The following PPIP5K2 variants were observed in gnomAD, a reference collection of about 807,000 sequenced individuals.
PPIP5K2 encodes diphosphoinositol pentakisphosphate kinase 2, also known as inositol hexakisphosphate and diphosphoinositol-pentakisphosphate kinase 2.
Under a neutral mutation model 154.6 loss-of-function variants are expected in PPIP5K2, and 105 were observed. The observed-to-expected ratio is 0.68, with a 90% confidence interval of 0.58 to 0.80. The LOEUF is 0.80. Ranked by LOEUF, PPIP5K2 falls within the 30% of genes least tolerant of loss-of-function variation. PPIP5K2 has a pLI of 0.00. For missense variants in PPIP5K2, 992 were observed against 1,504.6 expected (o/e 0.66, Z 5.64); for synonymous variants, 480 against 490.3 (o/e 0.98, Z 0.28).
chr5:103,182,556 T>C (rs940206346), intron 24 of PPIP5K2, among the ~76,000 whole-genome samples: 15 of 152,198 alleles, frequency 9.9e-5, no homozygotes, highest in Non-Finnish European at 2.1e-4. Flanking sequence ...TAGATTTTAC[T>C]CTGTCCTCAC....
chr5:103,175,951 C>A (rs193198999), intron 21 of PPIP5K2, among the ~76,000 whole-genome samples: 41 of 152,198 alleles, frequency 2.7e-4, no homozygotes, highest in Non-Finnish European at 4.3e-4. Flanking sequence ...ATTATCCCAA[C>A]TCTTATTATC....
chr5:103,178,073 T>G, intron 23 of PPIP5K2, 93 bp downstream of exon 23: 2 of 826,250 alleles, frequency 2.4e-6, no homozygotes, highest in Non-Finnish European at 3.9e-6. Flanking sequence ...CTATAAATAA[T>G]TCTTATTTTA....
At chr5:103,187,429 TTTTTA>T in intron 28 of PPIP5K2, 53 bp downstream of exon 28, 3 of 1,343,610 alleles carry the variant, frequency 2.2e-6, no homozygotes, top group South Asian at 1.3e-5. Context: ...CCCTTTTTTA[TTTTTA>T]TTTTATTTCA....
chr5:103,186,204 C>A, intron 26 of PPIP5K2, 116 bp from the exon 27 acceptor site: 1 of 1,296,852 alleles, frequency 7.7e-7, no homozygotes, highest in Non-Finnish European at 1.1e-6. Context: ...CTGTTCAAGG[C>A]ACTTCCAAAG....
intron 1 of PPIP5K2, 32 bp downstream of exon 1, chr5:103,120,520 A>G (rs1297530097): frequency 1.3e-5 from 6 of 456,452 alleles, no homozygotes; most frequent in Non-Finnish European, 2.6e-5. Context: ...AGAACCGGAG[A>G]TGCGGAACCT....
chr5:103,139,543 T>G (rs1792193627), intron 5 of PPIP5K2, among the ~76,000 whole-genome samples: 1 of 152,156 alleles, frequency 6.6e-6, no homozygotes, highest in Non-Finnish European at 1.5e-5. Context: ...GTGGAAAGCT[T>G]TCTCAAGAAG....
At chr5:103,198,575 A>G (rs1195136937) in intron 30 of PPIP5K2, among the ~76,000 whole-genome samples, 1 of 152,004 alleles carries the variant, frequency 6.6e-6, no homozygotes, top group Non-Finnish European at 1.5e-5. Flanking sequence ...TGTGTTTTGG[A>G]GCTCTGTTAC....
Position 103,155,885 on chromosome 5 carries a change from T to C in PPIP5K2, c.1404-24T>C, listed in dbSNP as rs782264293. 17 of 1,449,854 alleles carry C rather than the reference T, an allele frequency of 1.2e-5. No individual in the cohort carries two copies. The Admixed American group carries it at 2.7e-4, about 23-fold the overall frequency. 89.8% of individuals were successfully genotyped at this position (1,449,854 alleles called of 1,614,324 possible). On this transcript the variant is annotated intron_variant, in intron 13 of 30. Coordinates refer to ENST00000358359, the MANE Select transcript of PPIP5K2 (RefSeq NM_001276277.3). ...ATTAGTTTTTCCCTACATGTTCTAT[T>C]CTGTTTATCATTTTATTTTTCAGGT...
intron 21 of PPIP5K2, among the ~76,000 whole-genome samples, chr5:103,176,685 C>T (rs1273558745): frequency 1.3e-5 from 2 of 151,906 alleles, no homozygotes; most frequent in Non-Finnish European, 2.9e-5. Context: ...ACATAGTATA[C>T]AACAAAGGAA....
At chr5:103,162,350 C>CTTTTTTTTTTTT (rs200973581) in intron 17 of PPIP5K2, among the ~76,000 whole-genome samples, 1 of 138,552 alleles carries the variant, frequency 7.2e-6, no homozygotes. Flanking sequence ...GATGTGTTTT[C>CTTTTTTTTTTTT]TTTTTTTTTT....
At chr5:103,127,601 G>A (rs897530013) in intron 1 of PPIP5K2, among the ~76,000 whole-genome samples, 1 of 152,190 alleles carries the variant, frequency 6.6e-6, no homozygotes, top group South Asian at 2.1e-4. Context: ...TTACAGGAGT[G>A]TTCATGGAAA....
At chr5:103,189,462 G>A (rs1409230462) in intron 28 of PPIP5K2, among the ~76,000 whole-genome samples, 3 of 140,204 alleles carry the variant, frequency 2.1e-5, no homozygotes, top group South Asian at 2.1e-4. Context: ...AGATCTCATC[G>A]TTAAGTTTAG....
chr5:103,158,406 A>C (rs1795738932), intron 15 of PPIP5K2, 46 bp from the exon 16 acceptor site: 1 of 1,590,648 alleles, frequency 6.3e-7, no homozygotes, highest in African/African-American at 1.4e-5. Flanking sequence ...ATAGAAATAC[A>C]ATGAAATGAA....
At chr5:103,120,567 C>T in intron 1 of PPIP5K2, 79 bp downstream of exon 1, 1 of 455,302 alleles carries the variant, frequency 2.2e-6, no homozygotes, top group Non-Finnish European at 4.4e-6. Flanking sequence ...TGGGCTTCTG[C>T]TTTGTCTCCT....
intron 29 of PPIP5K2, among the ~76,000 whole-genome samples, chr5:103,191,448 G>A (rs945262841): frequency 3.9e-5 from 6 of 151,990 alleles, no homozygotes; most frequent in Admixed American, 3.9e-4. Flanking sequence ...TTTTCAAATT[G>A]TGTATCTCAG....
At chr5:103,186,578 G>C (rs1800421291) in intron 27 of PPIP5K2, 139 bp downstream of exon 27, 25 of 1,191,850 alleles carry the variant, frequency 2.1e-5, no homozygotes, top group Non-Finnish European at 3.0e-5. Flanking sequence ...GACTATCAGT[G>C]CTCTCTGTTA....
At chr5:103,124,822 T>C (rs1328117986) in intron 1 of PPIP5K2, among the ~76,000 whole-genome samples, 1 of 152,206 alleles carries the variant, frequency 6.6e-6, no homozygotes, top group Non-Finnish European at 1.5e-5. Flanking sequence ...AATTCATTTA[T>C]GGTGAGACAA....
chr5:103,139,332 C>A (rs1554205587), intron 5 of PPIP5K2, among the ~76,000 whole-genome samples: 7 of 152,090 alleles, frequency 4.6e-5, no homozygotes, highest in Non-Finnish European at 1.5e-5. Context: ...GTGATTGTCC[C>A]ACTCCCCACA....
chr5:103,142,882 C>T (rs1554207699), intron 5 of PPIP5K2, among the ~76,000 whole-genome samples: 1 of 151,750 alleles, frequency 6.6e-6, no homozygotes, highest in East Asian at 1.9e-4. Context: ...TTGTGGTGTA[C>T]AAACCTCTTA....
Sources: gnomAD v4.1 joint callset for allele counts (sites outside exome capture counted in the v4.1 genomes callset) on GRCh38, gnomAD v4.1.1 for gene constraint, MANE v1.5 for transcripts, NCBI Gene and HGNC (gene_info 2026-07-23, HGNC 2026-07-21) for gene names.